IMMP2L: variants seen among roughly 807,000 people sequenced by gnomAD.
IMMP2L encodes mitochondrial inner membrane protease subunit 2.
A neutral mutation model predicts 19.3 loss-of-function variants in IMMP2L; 18 were observed. That is an observed-to-expected ratio of 0.93 (90% confidence interval 0.64 to 1.38). The LOEUF (loss-of-function observed/expected upper bound fraction) is 1.38, where lower values mean the gene tolerates loss of function less well. Among genes scored for constraint, IMMP2L ranks in the 40% most tolerant of loss-of-function variants. IMMP2L has a pLI of 0.00. For synonymous variants in IMMP2L, 76 were observed against 73.0 expected, an observed-to-expected ratio of 1.04 and a Z score of -0.21; for missense variants, 233 against 218.2, an observed-to-expected ratio of 1.07 and a Z score of -0.43.
chr7:110,953,065 A>C (rs1407489988), intron 4 of IMMP2L, among the ~76,000 whole-genome samples: 1 of 152,092 alleles, frequency 6.6e-6, no homozygotes, highest in Non-Finnish European at 1.5e-5. Flanking sequence ...AGATATGGGG[A>C]ACTCCCCACA....
chr7:111,498,555 G>A (rs1305452332), intron 2 of IMMP2L, among the ~76,000 whole-genome samples: 1 of 151,956 alleles, frequency 6.6e-6, no homozygotes, highest in Non-Finnish European at 1.5e-5. Flanking sequence ...AGTAAGGTGT[G>A]TAGCACAGAA....
At chr7:111,003,196 A>G (rs1285548391) in intron 3 of IMMP2L, among the ~76,000 whole-genome samples, 1 of 152,162 alleles carries the variant, frequency 6.6e-6, no homozygotes, top group East Asian at 1.9e-4. Context: ...TGTTATTACT[A>G]ATAATTTGCT....
intron 5 of IMMP2L, among the ~76,000 whole-genome samples, chr7:110,796,609 A>ATG (rs1294853453): frequency 6.6e-6 from 1 of 152,020 alleles, no homozygotes; most frequent in Non-Finnish European, 1.5e-5. Context: ...ATATTATGTT[A>ATG]TTTCATAGAC....
chr7:111,376,315 T>A (rs2131164393), intron 3 of IMMP2L, among the ~76,000 whole-genome samples: 1 of 152,154 alleles, frequency 6.6e-6, no homozygotes, highest in African/African-American at 2.4e-5. Context: ...ATGTTCCACA[T>A]CATTAGTTAT....
At chr7:111,430,830 G>C (rs1836552522) in intron 3 of IMMP2L, among the ~76,000 whole-genome samples, 1 of 151,818 alleles carries the variant, frequency 6.6e-6, no homozygotes, top group Admixed American at 6.6e-5. Flanking sequence ...ATATAGGCTG[G>C]GCATGGTGGC....
chr7:111,030,001 A>C (rs1436145062), intron 3 of IMMP2L, among the ~76,000 whole-genome samples: 1 of 152,152 alleles, frequency 6.6e-6, no homozygotes, highest in Admixed American at 6.6e-5. Context: ...AGAATCCCAA[A>C]ACCCAGTGGT....
chr7:111,319,136 C>T (rs1464190529), intron 3 of IMMP2L, among the ~76,000 whole-genome samples: 2 of 152,084 alleles, frequency 1.3e-5, no homozygotes, highest in Non-Finnish European at 2.9e-5. Context: ...GGCACGATTA[C>T]ACTTTCAAGA....
intron 3 of IMMP2L, among the ~76,000 whole-genome samples, chr7:111,128,927 G>A (rs1012848589): frequency 3.3e-5 from 5 of 152,074 alleles, no homozygotes; most frequent in Non-Finnish European, 2.9e-5. Flanking sequence ...AATGAGAAGT[G>A]AATTTCAAAA....
chr7:111,485,822 T>C (rs770866310), intron 3 of IMMP2L, among the ~76,000 whole-genome samples: 6 of 152,000 alleles, frequency 3.9e-5, no homozygotes, highest in Non-Finnish European at 7.4e-5. Flanking sequence ...AGCAGCCCTG[T>C]TTTATTTTTC....
intron 5 of IMMP2L, among the ~76,000 whole-genome samples, chr7:110,672,629 A>G (rs1792000106): frequency 6.6e-6 from 1 of 152,230 alleles, no homozygotes; most frequent in Non-Finnish European, 1.5e-5. Context: ...CAATGAGGGT[A>G]CAGGCATTGG....
intron 3 of IMMP2L, among the ~76,000 whole-genome samples, chr7:111,061,100 C>T (rs902307368): frequency 8.5e-5 from 13 of 152,166 alleles, no homozygotes; most frequent in Non-Finnish European, 1.9e-4. Flanking sequence ...TGAAGTCTGG[C>T]TATTTAATCA....
intron 5 of IMMP2L, among the ~76,000 whole-genome samples, chr7:110,875,761 T>C (rs1439278972): frequency 6.6e-6 from 1 of 152,062 alleles, no homozygotes; most frequent in Admixed American, 6.6e-5. Context: ...TCACTGGAGG[T>C]CTAAGTAAAA....
intron 5 of IMMP2L, among the ~76,000 whole-genome samples, chr7:110,859,765 T>A (rs966892251): frequency 6.7e-6 from 1 of 149,402 alleles, no homozygotes; most frequent in African/African-American, 2.5e-5. Context: ...AAAAAAAAAA[T>A]ACGTTGTTTA....
chr7:111,431,290 T>G (rs2131686688), intron 3 of IMMP2L, among the ~76,000 whole-genome samples: 1 of 152,038 alleles, frequency 6.6e-6, no homozygotes, highest in East Asian at 1.9e-4. Flanking sequence ...ATAATACCCA[T>G]CATTAATGAA....
chr7:110,675,968 T>A (rs918672191), intron 5 of IMMP2L, among the ~76,000 whole-genome samples: 3 of 152,212 alleles, frequency 2.0e-5, no homozygotes, highest in African/African-American at 7.2e-5. Flanking sequence ...GGGCCTTACA[T>A]ATAAATAACC....
intron 1 of IMMP2L, among the ~76,000 whole-genome samples, chr7:111,556,014 G>GTGTGTGTA: frequency 1.5e-4 from 17 of 114,564 alleles, no homozygotes; most frequent in Non-Finnish European, 2.4e-4. Flanking sequence ...TCTTCTGTGT[G>GTGTGTGTA]CATGTATATA....
At chr7:110,910,070 G>C (rs1273358312) in intron 4 of IMMP2L, among the ~76,000 whole-genome samples, 2 of 152,276 alleles carry the variant, frequency 1.3e-5, no homozygotes, top group African/African-American at 2.4e-5. Flanking sequence ...CTTAGGGAGG[G>C]AGGCTAGACA....
chr7:110,858,588 G>T (rs1289569554), intron 5 of IMMP2L, among the ~76,000 whole-genome samples: 3 of 151,904 alleles, frequency 2.0e-5, no homozygotes, highest in Non-Finnish European at 4.4e-5. Flanking sequence ...CAATTTTAAA[G>T]AACTTTATTT....
chr7:111,192,473 T>C (rs973918914), intron 3 of IMMP2L, among the ~76,000 whole-genome samples: 1 of 152,148 alleles, frequency 6.6e-6, no homozygotes, highest in African/African-American at 2.4e-5. Context: ...CAATCATAAC[T>C]CCTTTTCTTT....
Sources: allele counts gnomAD v4.1 joint callset (sites outside exome capture counted in the v4.1 genomes callset), GRCh38; gene constraint gnomAD v4.1.1; transcripts MANE v1.5; gene names NCBI Gene and HGNC (gene_info 2026-07-23, HGNC 2026-07-21).